USP3: variants seen among roughly 807,000 people sequenced by gnomAD.
The protein encoded by USP3 is ubiquitin carboxyl-terminal hydrolase 3.
USP3 carries 20 observed loss-of-function variants against 72.3 expected under a neutral mutation model. The ratio of observed to expected loss-of-function variants is 0.28; its 90% CI spans 0.19 to 0.40. The LOEUF (loss-of-function observed/expected upper bound fraction) is 0.40. USP3 is among the 10% of genes least tolerant of loss of function. USP3 has a pLI of 1.00. For synonymous variants in USP3, 222 were observed against 225.3 expected, an observed-to-expected ratio of 0.99 and a Z score of 0.13; for missense variants, 479 against 633.9, an observed-to-expected ratio of 0.76 and a Z score of 2.62.
At chr15:63,513,025 C>A (rs944663156) in intron 1 of USP3, among the ~76,000 whole-genome samples, 3 of 152,074 alleles carry the variant, frequency 2.0e-5, no homozygotes, top group Non-Finnish European at 2.9e-5. Flanking sequence ...ATATTGTAAC[C>A]AACTAGATTT....
At chr15:63,568,972 G>A (rs548302415) in intron 8 of USP3, among the ~76,000 whole-genome samples, 2 of 152,250 alleles carry the variant, frequency 1.3e-5, no homozygotes, top group East Asian at 3.9e-4. Context: ...TAATGTACAC[G>A]AGGCACATTG....
chr15:63,520,282 G>A (rs1408505667), intron 1 of USP3, among the ~76,000 whole-genome samples: 2 of 152,084 alleles, frequency 1.3e-5, no homozygotes, highest in African/African-American at 4.8e-5. Context: ...TTCTCCAACA[G>A]TAAGAACTGG....
In USP3 at chr15:63,537,154, C is replaced by T. The variant is rs200387796; in HGVS notation, c.282C>T (p.Tyr94=). 1.9e-6 allele frequency: 3 copies of T among 1,610,022 alleles called. No homozygotes were observed. Among genetic ancestry groups the T allele is most frequent in the East Asian group, 2.2e-5 (1 of 44,752 alleles). ...VCMDCSSYST[Y]CYRCDDFVVN... ...TGGATTGCAGTAGCTACAGTACATACTGGTAAGTTAACATTTTCTGGAAAT... is the reference window on the plus strand; with the variant it reads ...TGGATTGCAGTAGCTACAGTACATATTGGTAAGTTAACATTTTCTGGAAAT... The change falls in exon 3 of 15, where the codon TAC becomes TAT. Residue 94 remains tyrosine, a splice_region_variant and synonymous_variant. Coordinates refer to ENST00000380324, the MANE Select transcript of USP3 (RefSeq NM_006537.4).
chr15:63,525,732 A>C (rs1354195358), intron 1 of USP3, among the ~76,000 whole-genome samples: 1 of 152,236 alleles, frequency 6.6e-6, no homozygotes, highest in Admixed American at 6.5e-5. Context: ...GCTTTTAAGC[A>C]TCTAAAAATG....
intron 1 of USP3, among the ~76,000 whole-genome samples, chr15:63,519,776 T>C (rs1044687734): frequency 6.6e-6 from 1 of 152,208 alleles, no homozygotes; most frequent in Admixed American, 6.5e-5. Flanking sequence ...CGTAATTCTT[T>C]TACATGTTAG....
At chr15:63,518,224 A>G (rs559936410) in intron 1 of USP3, among the ~76,000 whole-genome samples, 1 of 152,322 alleles carries the variant, frequency 6.6e-6, no homozygotes, top group African/African-American at 2.4e-5. Flanking sequence ...ATAGAACAAA[A>G]TATTGTTGCT....
At chr15:63,578,873 G>A (rs2066909713) in intron 11 of USP3, among the ~76,000 whole-genome samples, 1 of 152,140 alleles carries the variant, frequency 6.6e-6, no homozygotes. Flanking sequence ...TATATACCTA[G>A]AACATTTCAG....
rs201397735 is a variant in USP3, at chr15:63,588,768, G to A, written c.1282G>A (p.Val428Ile). 88 of 1,614,176 alleles carry A rather than the reference G, an allele frequency of 5.5e-5. No individual in the cohort carries two copies. The highest frequency in any genetic ancestry group is 8.3e-5 in the Admixed American group (5 of 60,030). Residue 428 changes from valine (V) to isoleucine (I), a missense_variant, in exon 13 of 15, where the codon GTA becomes ATA. Coordinates refer to ENST00000380324, the MANE Select transcript of USP3 (RefSeq NM_006537.4). The surrounding 1 kb of genome is among the most constrained non-coding windows in gnomAD (Gnocchi z 4.6). ...TTTAAGAAATAAAGTTGATACATAC[G>A]TAGAATTTCCACTGAGAGGCCTAGA... is the stretch of plus-strand genomic sequence containing the variant. ...AYLRNKVDTY[V>I]EFPLRGLDMK...
chr15:63,542,188 AAG>A (rs1337810450), intron 3 of USP3: 1 of 985,106 alleles, frequency 1.0e-6, no homozygotes, highest in Non-Finnish European at 1.2e-6. Flanking sequence ...AAAGCTGAGA[AAG>A]AGGTAGAGAT....
rs1210646160 is a variant in USP3 at position 63,594,629 on chromosome 15, C to T, written c.*3803C>T. Reference sequence around the variant, plus strand: ...AAAAATATCATTAAAAGTCTGTTCTCTTTCCTTTTGACTTATTTCTGAACA... The same window carrying T: ...AAAAATATCATTAAAAGTCTGTTCTTTTTCCTTTTGACTTATTTCTGAACA... On this transcript the variant is annotated 3_prime_UTR_variant, in exon 15 of 15. Transcript: ENST00000380324. 4 of 152,208 alleles carry T rather than the reference C, an allele frequency of 2.6e-5. No individual in the cohort carries two copies. Among genetic ancestry groups the T allele is most frequent in the African/African-American group, 9.6e-5 (4 of 41,458 alleles). 9.4% of individuals were successfully genotyped at this position (152,208 alleles called of 1,614,324 possible). A position where few individuals can be genotyped will look rare whatever the true frequency, so the allele number is the denominator to read the frequency against.
chr15:63,588,780 C>G lies in USP3; in HGVS notation c.1294C>G (p.Leu432Val). ...NKVDTYVEFP[L>V]RGLDMKCYLL... ...AGTTGATACATACGTAGAATTTCCACTGAGAGGCCTAGACATGAAATGCTA... is the reference window on the plus strand; with the variant it reads ...AGTTGATACATACGTAGAATTTCCAGTGAGAGGCCTAGACATGAAATGCTA... The change falls in exon 13 of 15, where the codon CTG becomes GTG. Residue 432 changes from leucine (L) to valine (V), a missense_variant. Leu to Val is a conservative substitution (Grantham distance 32, BLOSUM62 1). Coordinates refer to ENST00000380324, the MANE Select transcript of USP3 (RefSeq NM_006537.4). The surrounding 1 kb of genome is among the most constrained non-coding windows in gnomAD (Gnocchi z 4.6). 1 of 1,614,150 alleles carries G rather than the reference C, an allele frequency of 6.2e-7. No individual in the cohort carries two copies. The highest frequency in any genetic ancestry group is 8.5e-7 in the Non-Finnish European group (1 of 1,179,994).
intron 3 of USP3, chr15:63,551,916 T>C (rs1232289798): frequency 1.3e-5 from 2 of 152,330 alleles, no homozygotes; most frequent in Middle Eastern, 3.4e-3. Context: ...GTCTGTACTT[T>C]AACAAACGTA....
chr15:63,545,157 G>T (rs959606598), intron 3 of USP3, among the ~76,000 whole-genome samples: 11 of 152,162 alleles, frequency 7.2e-5, no homozygotes, highest in African/African-American at 2.4e-4. Context: ...AGTGTCAACA[G>T]AATTTGAAAT....
intron 8 of USP3, among the ~76,000 whole-genome samples, chr15:63,566,313 T>C (rs1042367502): frequency 6.6e-5 from 10 of 152,112 alleles, no homozygotes; most frequent in African/African-American, 2.4e-4. Flanking sequence ...CTTTTTTTTT[T>C]TTTAATTTTA....
chr15:63,585,074 T>C (rs1295766973), intron 11 of USP3, among the ~76,000 whole-genome samples: 1 of 152,236 alleles, frequency 6.6e-6, no homozygotes, highest in African/African-American at 2.4e-5. Flanking sequence ...AAGAGTTTTT[T>C]TCATTGGTCT....
intron 11 of USP3, among the ~76,000 whole-genome samples, chr15:63,583,983 A>T (rs2067008770): frequency 6.6e-6 from 1 of 152,080 alleles, no homozygotes; most frequent in Non-Finnish European, 1.5e-5. Context: ...TATATACCTA[A>T]GAGTGGAATC....
In USP3 at chr15:63,553,809, G is replaced by A; in HGVS notation, c.368+11G>A. The A allele has an allele frequency of 1.2e-6, 2 of 1,607,784 alleles. No homozygotes were observed. The highest frequency in any genetic ancestry group is 1.7e-5 in the Admixed American group (1 of 58,730). On this transcript the variant is annotated intron_variant, in intron 4 of 14. Coordinates refer to ENST00000380324, the MANE Select transcript of USP3 (RefSeq NM_006537.4). The surrounding 1 kb of genome is among the most constrained non-coding windows in gnomAD (Gnocchi z 4.2). Reference sequence around the variant, plus strand: ...ACAGAACTTGGAAAAGTAAGTAATAGGCCTTTGGAAAAAGAAGGGCCTAAG... The same window carrying A: ...ACAGAACTTGGAAAAGTAAGTAATAAGCCTTTGGAAAAAGAAGGGCCTAAG...
At chr15:63,532,840 C>A in intron 2 of USP3, 133 bp downstream of exon 2, 1 of 907,416 alleles carries the variant, frequency 1.1e-6, no homozygotes. Context: ...GTAGGGCTTC[C>A]TTCTCCAGTT....
chr15:63,567,635 C>T (rs1404879585), intron 8 of USP3, among the ~76,000 whole-genome samples: 2 of 152,090 alleles, frequency 1.3e-5, no homozygotes, highest in Non-Finnish European at 2.9e-5. Flanking sequence ...CGTGAGCCAC[C>T]GTGCCTGGCC....
Sources: allele counts gnomAD v4.1 joint callset (sites outside exome capture counted in the v4.1 genomes callset), GRCh38; gene constraint gnomAD v4.1.1; non-coding constraint Gnocchi (gnomAD v3.1); transcripts MANE v1.5; gene names NCBI Gene and HGNC (gene_info 2026-07-23, HGNC 2026-07-21).